Variants in FCGR2A observed in about 807,000 individuals in gnomAD.
FCGR2A encodes Fc gamma receptor IIa, also known as low affinity immunoglobulin gamma Fc region receptor II-a.
Under a neutral mutation model 29.3 loss-of-function variants are expected in FCGR2A, and 18 were observed. That is an observed-to-expected ratio of 0.62 (90% CI 0.43 to 0.91). The LOEUF is 0.91. Ranked by LOEUF, FCGR2A falls within the 40% of genes least tolerant of loss-of-function variation. FCGR2A has a pLI of 0.00. For missense variants in FCGR2A, 287 were observed against 393.0 expected (o/e 0.73, Z 2.28); for synonymous variants, 126 against 144.8 (o/e 0.87, Z 0.93).
intron 5 of FCGR2A, among the ~76,000 whole-genome samples, chr1:161,511,486 G>T (rs1218465383): frequency 6.6e-6 from 1 of 152,212 alleles, no homozygotes; most frequent in African/African-American, 2.4e-5. Context: ...TGAGACACAG[G>T]GGTGTTTTTA....
At chr1:161,515,881 T>C (rs1014758313) in intron 6 of FCGR2A, among the ~76,000 whole-genome samples, 1 of 152,230 alleles carries the variant, frequency 6.6e-6, no homozygotes, top group Admixed American at 6.5e-5. Flanking sequence ...TATTTGTACA[T>C]AATATTATTC....
chr1:161,508,127 A>G (rs1675537523), intron 3 of FCGR2A, among the ~76,000 whole-genome samples: 1 of 148,306 alleles, frequency 6.7e-6, no homozygotes, highest in Non-Finnish European at 1.5e-5. Context: ...GATCTGAAGC[A>G]TTGTTAGAGA....
intron 5 of FCGR2A, among the ~76,000 whole-genome samples, chr1:161,512,571 T>C (rs1675871387): frequency 6.7e-6 from 1 of 149,940 alleles, no homozygotes; most frequent in Non-Finnish European, 1.5e-5. Flanking sequence ...GGTGGGAGTA[T>C]GTAAAGGAAC....
At chr1:161,508,099 A>AAT (rs1675534371) in intron 3 of FCGR2A, among the ~76,000 whole-genome samples, 1 of 151,074 alleles carries the variant, frequency 6.6e-6, no homozygotes, top group African/African-American at 2.4e-5. Context: ...AAAAAAAAAA[A>AAT]AAAAAAAAAA....
Position 161,508,050 on chromosome 1 carries a change from C to A in FCGR2A, c.364+1459C>A, listed in dbSNP as rs561029840. ...GCGGTGAGCCAAGATCACACCACTG[C>A]ACTCCAGCCTGGGCAACAAGAGTGA... On this transcript the variant is annotated intron_variant, in intron 3 of 6. Transcript: ENST00000271450. Among the ~76,000 whole-genome samples, 10 of 135,340 alleles carry A rather than the reference C, an allele frequency of 7.4e-5. No individual in the cohort carries two copies. The South Asian group carries it at 2.4e-3, about 32-fold the overall frequency. 88.8% of individuals were successfully genotyped at this position (135,340 alleles called of 152,430 possible).
At chr1:161,520,734 T>C (rs71632953), downstream of FCGR2A, among the ~76,000 whole-genome samples, 3,068 of 152,074 alleles carry the variant, frequency 0.02, 56 homozygotes, top group Non-Finnish European at 0.032. Flanking sequence ...CTATAGTCTA[T>C]TCTCACCATA....
At chr1:161,506,056 A>C (rs1675368882) in intron 2 of FCGR2A, 49 bp downstream of exon 2, 1 of 1,586,040 alleles carries the variant, frequency 6.3e-7, no homozygotes, top group South Asian at 1.1e-5. Flanking sequence ...TATCCTCATA[A>C]TATGATGCTG....
At chr1:161,512,146 G>T (rs1675835275) in intron 5 of FCGR2A, among the ~76,000 whole-genome samples, 1 of 151,752 alleles carries the variant, frequency 6.6e-6, no homozygotes, top group African/African-American at 2.4e-5. Flanking sequence ...AGCTTTGGCA[G>T]AGCTGGCAGA....
chr1:161,506,787 A>C, intron 3 of FCGR2A, 196 bp downstream of exon 3: 2 of 1,123,632 alleles, frequency 1.8e-6, no homozygotes, highest in Non-Finnish European at 2.5e-6. Context: ...ATTTCTAATA[A>C]TTTTCTCAGC....
chr1:161,511,034 C>T (rs1354329372), intron 5 of FCGR2A, 78 bp downstream of exon 5: 25 of 1,605,044 alleles, frequency 1.6e-5, no homozygotes, highest in Non-Finnish European at 2.1e-5. Flanking sequence ...TGCCAGAATC[C>T]CGCTCTTAGG....
chr1:161,515,068 G>A (rs1169855253), intron 6 of FCGR2A, among the ~76,000 whole-genome samples: 10 of 152,292 alleles, frequency 6.6e-5, no homozygotes, highest in Admixed American at 1.3e-4. Flanking sequence ...TGGTCACAGT[G>A]AGGATGTTTA....
Position 161,506,315 on chromosome 1 carries a change from T to C in FCGR2A, c.107-19T>C. 1 of 1,614,002 alleles carries C rather than the reference T, an allele frequency of 6.2e-7. No individual in the cohort carries two copies. The highest frequency in any genetic ancestry group is 8.5e-7 in the Non-Finnish European group (1 of 1,179,942). ...TTCAGGGTTATTTATTCCACACCCC[T>C]TTCCACTCTGCCCCTCAGCAGCTCC... On this transcript the variant is annotated intron_variant, in intron 2 of 6. Coordinates refer to ENST00000271450, the MANE Select transcript of FCGR2A (RefSeq NM_001136219.3).
intron 5 of FCGR2A, among the ~76,000 whole-genome samples, chr1:161,511,938 G>A (rs1311333653): frequency 4.6e-5 from 7 of 152,218 alleles, no homozygotes; most frequent in South Asian, 4.1e-4. Context: ...AGGGAGCAGC[G>A]ATGGGGGGAT....
At position 161,517,972 on chromosome 1, in the gene FCGR2A, C is replaced by T. The variant is rs2102489354; in HGVS notation, c.781-3C>T. ...CCTATGGGTTTTAAATGCTTTCCTG[C>T]AGCCACCTGGACGTCAAATGATTGC... is the stretch of plus-strand genomic sequence containing the variant. On this transcript the variant is annotated splice_polypyrimidine_tract_variant and splice_region_variant and intron_variant, in intron 6 of 6. Coordinates refer to ENST00000271450, the MANE Select transcript of FCGR2A (RefSeq NM_001136219.3). 1 of 1,613,294 alleles carries T rather than the reference C, an allele frequency of 6.2e-7. No individual in the cohort carries two copies. Among genetic ancestry groups the T allele is most frequent in the East Asian group, 2.2e-5 (1 of 44,886 alleles).
downstream of FCGR2A, chr1:161,519,935 C>G (rs1676386773): frequency 6.6e-6 from 1 of 151,960 alleles, no homozygotes; most frequent in African/African-American, 2.4e-5. Context: ...GTGACCTTCT[C>G]AGAGAAGTCA....
chr1:161,509,786 T>A, intron 3 of FCGR2A, 34 bp from the exon 4 acceptor site: 1 of 1,613,274 alleles, frequency 6.2e-7, no homozygotes. Context: ...AATCTATCCT[T>A]ACAACTTTTT....
chr1:161,519,080 T>G lies in FCGR2A; in HGVS notation c.*932T>G, dbSNP rs1210475795. Reference sequence around the variant, plus strand: ...TACCAGAACCACATTAAGTCTCCATTGTTTTGCCTTGGGATTTGAGAAGAG... The same window carrying G: ...TACCAGAACCACATTAAGTCTCCATGGTTTTGCCTTGGGATTTGAGAAGAG... On this transcript the variant is annotated 3_prime_UTR_variant, in exon 7 of 7. Coordinates refer to ENST00000271450, the MANE Select transcript of FCGR2A (RefSeq NM_001136219.3). 5.7e-6 allele frequency: 1 copy of G among 176,518 alleles called. No individual in the cohort carries two copies. 10.9% of individuals were successfully genotyped at this position (176,518 alleles called of 1,614,324 possible). A position where few individuals can be genotyped will look rare whatever the true frequency, so the allele number is the denominator to read the frequency against.
In FCGR2A at chr1:161,518,238, A is replaced by G; in HGVS notation, c.*90A>G. Reference sequence around the variant, plus strand: ...TTGTTAAAGGAAAATTTAAATGGAGACTGGAAAAATCCTGAGCAAACAAAA... The same window carrying G: ...TTGTTAAAGGAAAATTTAAATGGAGGCTGGAAAAATCCTGAGCAAACAAAA... On this transcript the variant is annotated 3_prime_UTR_variant, in exon 7 of 7. Coordinates refer to ENST00000271450, the MANE Select transcript of FCGR2A (RefSeq NM_001136219.3). The G allele has an allele frequency of 6.5e-7, 1 of 1,548,212 alleles. No homozygotes were observed. Among genetic ancestry groups the G allele is most frequent in the Non-Finnish European group, 8.7e-7 (1 of 1,151,166 alleles).
At chr1:161,523,440 G>T (rs1329730007), downstream of FCGR2A, 1 of 152,114 alleles carries the variant, frequency 6.6e-6, no homozygotes, top group Non-Finnish European at 1.5e-5. Flanking sequence ...TTAGGAGGTA[G>T]GTTGGACTGG....
Sources: gnomAD v4.1 joint callset for allele counts (sites outside exome capture counted in the v4.1 genomes callset) on GRCh38, gnomAD v4.1.1 for gene constraint, MANE v1.5 for transcripts, NCBI Gene and HGNC (gene_info 2026-07-23, HGNC 2026-07-21) for gene names.